Variants in ZNF462 observed in about 807,000 individuals in gnomAD.
The protein encoded by ZNF462 is zinc finger PBX1-interacting protein.
ZNF462 carries 10 observed loss-of-function variants against 201.9 expected under a neutral mutation model. The ratio of observed to expected loss-of-function variants is 0.05; its 90% CI spans 0.03 to 0.08. The LOEUF is 0.08. Ranked by LOEUF, ZNF462 falls within the 10% of genes least tolerant of loss-of-function variation. The pLI, the probability that ZNF462 is intolerant of heterozygous loss-of-function variation, is 1.00. For missense variants in ZNF462, 2,523 were observed against 3,168.3 expected (o/e 0.80, Z 4.89); for synonymous variants, 1,227 against 1,193.3 (o/e 1.03, Z -0.58).
At chr9:106,901,920 T>C (rs1424527402) in intron 1 of ZNF462, among the ~76,000 whole-genome samples, 1 of 152,146 alleles carries the variant, frequency 6.6e-6, no homozygotes, top group African/African-American at 2.4e-5. Context: ...TTTCTTTCTA[T>C]TGTCTGATTG....
In ZNF462 at chr9:106,876,305, A is replaced by G. The variant is rs112268877; in HGVS notation, c.-31+12950A>G. Among the ~76,000 whole-genome samples the G allele has an allele frequency of 6.6e-6, 1 of 152,262 alleles. No individual in the cohort carries two copies. The highest frequency in any genetic ancestry group is 2.4e-5 in the African/African-American group (1 of 41,474). On this transcript the variant is annotated intron_variant, in intron 1 of 12. Coordinates refer to ENST00000277225, the MANE Select transcript of ZNF462 (RefSeq NM_021224.6). This position sits in a 1 kb window ranked among gnomAD's most constrained non-coding sequence, Gnocchi z 4.9. ...CTAAGAGTCCTGGCTCATAATGGCC[A>G]GGAAGGAAGAAAGTGATAGTTTCTT...
At chr9:106,944,539 A>G (rs922707393) in intron 7 of ZNF462, among the ~76,000 whole-genome samples, 3 of 152,218 alleles carry the variant, frequency 2.0e-5, no homozygotes, top group Admixed American at 6.5e-5. Context: ...TAGCATTTCC[A>G]TCACCTCAAA....
chr9:106,986,984 GATAGA>G (rs1564154151), intron 10 of ZNF462, among the ~76,000 whole-genome samples: 1 of 65,110 alleles, frequency 1.5e-5, no homozygotes, highest in Non-Finnish European at 3.5e-5. Flanking sequence ...ATCATAGATA[GATAGA>G]TAGATAGATA....
chr9:106,887,142 A>G (rs1218980172), intron 1 of ZNF462, among the ~76,000 whole-genome samples: 1 of 152,184 alleles, frequency 6.6e-6, no homozygotes, highest in Non-Finnish European at 1.5e-5. Flanking sequence ...AGGGTAACTA[A>G]GTTGTTGAGT....
At chr9:106,887,719 T>C (rs1828383332) in intron 1 of ZNF462, among the ~76,000 whole-genome samples, 1 of 152,224 alleles carries the variant, frequency 6.6e-6, no homozygotes, top group African/African-American at 2.4e-5. Context: ...CTGTTTATTG[T>C]TGAATTCACA....
At chr9:106,971,375 A>AAAAAAAC (rs1554713163) in intron 7 of ZNF462, among the ~76,000 whole-genome samples, 15 of 151,274 alleles carry the variant, frequency 9.9e-5, no homozygotes, top group African/African-American at 3.7e-4. Context: ...TTAAAAAAAA[A>AAAAAAAC]AACAACAACA....
rs1453736425 is a variant in ZNF462, at chr9:106,938,872, C to G, written c.6236-44C>G. The stretch of plus-strand genomic sequence containing the variant: ...TTCCACCCTGGCCTTATACCCTTCT[C>G]CCCTCTTTTTCCTGTTCTATTTCTT... On this transcript the variant is annotated intron_variant, in intron 6 of 12. Coordinates refer to ENST00000277225, the MANE Select transcript of ZNF462 (RefSeq NM_021224.6). The surrounding 1 kb of genome is among the most constrained non-coding windows in gnomAD (Gnocchi z 4.4). 1.3e-6 allele frequency: 2 copies of G among 1,551,158 alleles called. No individual in the cohort carries two copies. Among genetic ancestry groups the G allele is most frequent in the Non-Finnish European group, 1.7e-6 (2 of 1,146,192 alleles).
intron 10 of ZNF462, among the ~76,000 whole-genome samples, chr9:106,998,264 A>G (rs1194453919): frequency 1.3e-5 from 2 of 152,182 alleles, no homozygotes; most frequent in Non-Finnish European, 2.9e-5. Context: ...TCTCAATCTC[A>G]GTCTGTCCTA....
intron 1 of ZNF462, among the ~76,000 whole-genome samples, chr9:106,888,236 T>C (rs1828415110): frequency 6.6e-6 from 1 of 151,906 alleles, no homozygotes. Context: ...AGAGACAGGG[T>C]TTCACCGTGT....
intron 6 of ZNF462, among the ~76,000 whole-genome samples, chr9:106,936,845 C>A (rs546357274): frequency 6.6e-6 from 1 of 152,126 alleles, no homozygotes; most frequent in Non-Finnish European, 1.5e-5. Context: ...CTGATGCCAG[C>A]GTATTAAGCT....
chr9:106,924,073 G>T lies in ZNF462; in HGVS notation c.221-60G>T. 7.2e-7 allele frequency: 1 copy of T among 1,381,942 alleles called. No homozygotes were observed. Among genetic ancestry groups the T allele is most frequent in the Non-Finnish European group, 9.9e-7 (1 of 1,010,492 alleles). 85.6% of individuals were successfully genotyped at this position (1,381,942 alleles called of 1,614,324 possible). On this transcript the variant is annotated intron_variant, in intron 2 of 12. Transcript: ENST00000277225. This position sits in a 1 kb window ranked among gnomAD's most constrained non-coding sequence, Gnocchi z 6.2. ...AGAATAATTGGAATGGTACTGATTT[G>T]CATGATTGGATATTTTAATTATCTT...
chr9:106,943,716 T>C (rs1301122818), intron 7 of ZNF462, among the ~76,000 whole-genome samples: 1 of 152,212 alleles, frequency 6.6e-6, no homozygotes, highest in Non-Finnish European at 1.5e-5. Context: ...TTTTCCAATA[T>C]GGACAGTTAG....
chr9:106,862,434 G>T (rs556327080), upstream of ZNF462, among the ~76,000 whole-genome samples: 14 of 152,064 alleles, frequency 9.2e-5, no homozygotes, highest in Non-Finnish European at 2.1e-4. The surrounding 1 kb of genome is among the most constrained non-coding windows in gnomAD (Gnocchi z 4.2). Context: ...GGGCGCCACC[G>T]GGACGCGAGC....
In ZNF462 at chr9:107,008,270, A is replaced by G. The variant is rs1333677742; in HGVS notation, c.7190-1275A>G. On this transcript the variant is annotated intron_variant, in intron 11 of 12. Coordinates refer to ENST00000277225, the MANE Select transcript of ZNF462 (RefSeq NM_021224.6). This position sits in a 1 kb window ranked among gnomAD's most constrained non-coding sequence, Gnocchi z 4.8. ...TTTCCAATGAAAAGAATCAAGGAAGATAGTCTGTGCAATTATTTTTAATGG... is the reference window on the plus strand; with the variant it reads ...TTTCCAATGAAAAGAATCAAGGAAGGTAGTCTGTGCAATTATTTTTAATGG... Among the ~76,000 whole-genome samples, 1 of 152,162 alleles carries G rather than the reference A, an allele frequency of 6.6e-6. No homozygotes were observed. The highest frequency in any genetic ancestry group is 2.4e-5 in the African/African-American group (1 of 41,430).
rs751719912 is a variant in ZNF462, at chr9:106,974,649, T to C, written c.6832+376T>C. 3.4e-5 allele frequency: 10 copies of C among 295,786 alleles called. No individual in the cohort carries two copies. The highest frequency in any genetic ancestry group is 4.6e-5 in the Non-Finnish European group (7 of 152,422). 18.3% of individuals were successfully genotyped at this position (295,786 alleles called of 1,614,324 possible). On this transcript the variant is annotated intron_variant, in intron 9 of 12. Coordinates refer to ENST00000277225, the MANE Select transcript of ZNF462 (RefSeq NM_021224.6). This position sits in a 1 kb window ranked among gnomAD's most constrained non-coding sequence, Gnocchi z 4.0. ...CAAATGTGAAATGTGGAGAGCTCTA[T>C]GGCTGTGAGAGATTCTTTCAAGAAG...
At position 106,986,618 on chromosome 9, in the gene ZNF462, A is replaced by C. The variant is rs372281998; in HGVS notation, c.7056+2209A>C. Among the ~76,000 whole-genome samples, 9 of 152,270 alleles carry C rather than the reference A, an allele frequency of 5.9e-5. No individual in the cohort carries two copies. In the South Asian group the frequency reaches 1.9e-3, roughly 32 times the overall value. On this transcript the variant is annotated intron_variant, in intron 10 of 12. Coordinates refer to ENST00000277225, the MANE Select transcript of ZNF462 (RefSeq NM_021224.6). ...TTGCATCTTAGACACGGTCTTTTTTAAAAATTATTTTTCCATTGAGTATTG... is the reference window on the plus strand; with the variant it reads ...TTGCATCTTAGACACGGTCTTTTTTCAAAATTATTTTTCCATTGAGTATTG...
chr9:106,938,956 C>T lies in ZNF462; in HGVS notation c.6276C>T (p.Thr2092=), dbSNP rs1645052394. ...AGTGTTCTTGGTGCTCATTCTCCACCATGACAATCAGCCAGCTGAAGGAAC... is the reference window on the plus strand; with the variant it reads ...AGTGTTCTTGGTGCTCATTCTCCACTATGACAATCAGCCAGCTGAAGGAAC... The part of the protein sequence containing the change: ...AYKCSWCSFS[T]MTISQLKEHS... The change falls in exon 7 of 13, where the codon ACC becomes ACT. Residue 2092 remains threonine, a synonymous_variant. Coordinates refer to ENST00000277225, the MANE Select transcript of ZNF462 (RefSeq NM_021224.6). This position sits in a 1 kb window ranked among gnomAD's most constrained non-coding sequence, Gnocchi z 4.4. The T allele has an allele frequency of 3.1e-6, 5 of 1,613,320 alleles. No homozygotes were observed. Among genetic ancestry groups the T allele is most frequent in the Non-Finnish European group, 4.2e-6 (5 of 1,179,636 alleles).
rs1277619137 is a variant in ZNF462, at chr9:106,966,172, T to C, written c.6428-5833T>C. ...GAAGAAAATTACAATCCATGTATTA[T>C]TTTGAACTTCCTATGCTATTTTAGA... is the stretch of plus-strand genomic sequence containing the variant. On this transcript the variant is annotated intron_variant, in intron 7 of 12. Transcript: ENST00000277225. The surrounding 1 kb of genome is among the most constrained non-coding windows in gnomAD (Gnocchi z 4.4). 6.6e-6 allele frequency among the ~76,000 whole-genome samples: 1 copy of C among 152,090 alleles called. No individual in the cohort carries two copies. The highest frequency in any genetic ancestry group is 1.5e-5 in the Non-Finnish European group (1 of 67,974).
intron 1 of ZNF462, among the ~76,000 whole-genome samples, chr9:106,888,658 C>T (rs955111451): frequency 6.6e-6 from 1 of 152,168 alleles, no homozygotes; most frequent in Non-Finnish European, 1.5e-5. Context: ...TTGCCATTGG[C>T]TACTCCACAT....
Sources: allele counts gnomAD v4.1 joint callset (sites outside exome capture counted in the v4.1 genomes callset), GRCh38; gene constraint gnomAD v4.1.1; non-coding constraint Gnocchi (gnomAD v3.1); transcripts MANE v1.5; gene names NCBI Gene and HGNC (gene_info 2026-07-23, HGNC 2026-07-21).